C11orf65: variants seen among roughly 807,000 people sequenced by gnomAD.
C11orf65 encodes protein MFI.
C11orf65 carries 38 observed loss-of-function variants against 35.3 expected under a neutral mutation model. The observed-to-expected ratio is 1.08, with a 90% CI of 0.83 to 1.41. C11orf65 has a LOEUF of 1.41. C11orf65 is among the 40% of genes most tolerant of loss of function. C11orf65 has a pLI of 0.00. For synonymous variants in C11orf65, 105 were observed against 114.4 expected (o/e 0.92, Z 0.53); for missense variants, 370 against 367.1 (o/e 1.01, Z -0.06).
At chr11:108,383,870 C>CTT (rs10563376) in intron 8 of C11orf65, among the ~76,000 whole-genome samples, 4 of 117,864 alleles carry the variant, frequency 3.4e-5, no homozygotes, top group Middle Eastern at 3.8e-3. Context: ...ATATTGTTTC[C>CTT]TTTTTTTTTT....
rs551916592 is a variant in C11orf65 at position 108,309,858 on chromosome 11, A to G, written c.641-787T>C. On this transcript the variant is annotated intron_variant, in intron 6 of 6. Transcript: ENST00000525729. ...GTATCCTATTCTTAGTCTGTGGTACATGGATTTCTTGGTAGAGAGCAGATA... is the reference window on the plus strand; with the variant it reads ...GTATCCTATTCTTAGTCTGTGGTACGTGGATTTCTTGGTAGAGAGCAGATA... 3.5e-4 allele frequency among the ~76,000 whole-genome samples: 53 copies of G among 152,248 alleles called. 1 individual carries two copies. Among genetic ancestry groups the G allele is most frequent in the Admixed American group, 2.9e-3 (45 of 15,294 alleles).
At chr11:108,441,240 G>A (rs1046226775) in intron 2 of C11orf65, among the ~76,000 whole-genome samples, 4 of 152,338 alleles carry the variant, frequency 2.6e-5, no homozygotes, top group Admixed American at 6.5e-5. Context: ...AGCAGTCTGA[G>A]ATTGAACTGC....
intron 2 of C11orf65, among the ~76,000 whole-genome samples, chr11:108,374,772 C>T (rs952631736): frequency 1.3e-5 from 2 of 152,018 alleles, no homozygotes; most frequent in Non-Finnish European, 2.9e-5. Context: ...CTAGAATAAC[C>T]AATACAGAGA....
chr11:108,463,176 C>T (rs1318722639), intron 1 of C11orf65, among the ~76,000 whole-genome samples: 5 of 152,088 alleles, frequency 3.3e-5, no homozygotes, highest in African/African-American at 7.2e-5. Context: ...AAATGCAAAA[C>T]GTGTAAGGAT....
At chr11:108,327,101 T>C (rs1383708495), downstream of C11orf65, among the ~76,000 whole-genome samples, 1 of 152,222 alleles carries the variant, frequency 6.6e-6, no homozygotes, top group East Asian at 1.9e-4. Context: ...GTGCTGGGAT[T>C]ACAGGCGTGA....
At chr11:108,438,174 T>C (rs1393201970) in intron 2 of C11orf65, among the ~76,000 whole-genome samples, 1 of 152,202 alleles carries the variant, frequency 6.6e-6, no homozygotes, top group Non-Finnish European at 1.5e-5. Flanking sequence ...TCAACAAATG[T>C]ATCCGTGACA....
chr11:108,424,652 C>T (rs537388959), intron 3 of C11orf65, among the ~76,000 whole-genome samples: 3 of 152,226 alleles, frequency 2.0e-5, no homozygotes, highest in African/African-American at 7.2e-5. Flanking sequence ...CAGCTCTAGA[C>T]CAAGCAGACC....
intron 2 of C11orf65, among the ~76,000 whole-genome samples, chr11:108,345,538 T>A (rs1330793800): frequency 6.6e-6 from 1 of 152,148 alleles, no homozygotes; most frequent in Non-Finnish European, 1.5e-5. Flanking sequence ...GTGTGCTTCC[T>A]CCCCCAACAA....
At chr11:108,438,157 A>C (rs922064341) in intron 2 of C11orf65, among the ~76,000 whole-genome samples, 1 of 152,246 alleles carries the variant, frequency 6.6e-6, no homozygotes, top group African/African-American at 2.4e-5. Context: ...TGAAGAGGAC[A>C]GTATTTTCAA....
intron 6 of C11orf65, among the ~76,000 whole-genome samples, chr11:108,400,506 A>G (rs909960158): frequency 6.6e-6 from 1 of 152,188 alleles, no homozygotes; most frequent in African/African-American, 2.4e-5. Context: ...TTCGGGAACA[A>G]CATGTAAAAA....
At chr11:108,467,246 GCT>G (rs1408990292) in intron 1 of C11orf65, among the ~76,000 whole-genome samples, 1 of 152,148 alleles carries the variant, frequency 6.6e-6, no homozygotes, top group African/African-American at 2.4e-5. Context: ...GAGGAAAGGA[GCT>G]CTGAGGAAGG....
At chr11:108,399,856 G>C (rs1460663817) in intron 6 of C11orf65, among the ~76,000 whole-genome samples, 1 of 152,178 alleles carries the variant, frequency 6.6e-6, no homozygotes. Context: ...AGGACCAATT[G>C]CAAATCTGGA....
At chr11:108,445,799 A>C (rs1263322451) in intron 2 of C11orf65, among the ~76,000 whole-genome samples, 1 of 151,476 alleles carries the variant, frequency 6.6e-6, no homozygotes, top group Non-Finnish European at 1.5e-5. Context: ...TGAGAGAAGA[A>C]GGCTTCAGAC....
At chr11:108,468,776 C>T (rs1446380666), upstream of C11orf65, among the ~76,000 whole-genome samples, 1 of 152,082 alleles carries the variant, frequency 6.6e-6, no homozygotes, top group Non-Finnish European at 1.5e-5. Context: ...TTATGTATAT[C>T]TTAATTTTCA....
At chr11:108,394,710 G>C (rs982967742) in intron 6 of C11orf65, among the ~76,000 whole-genome samples, 3 of 107,308 alleles carry the variant, frequency 2.8e-5, no homozygotes, top group Non-Finnish European at 6.5e-5. Context: ...CATTGATTAG[G>C]AAACAGCATA....
intron 2 of C11orf65, among the ~76,000 whole-genome samples, chr11:108,446,133 G>A (rs542693360): frequency 6.6e-6 from 1 of 152,252 alleles, no homozygotes; most frequent in South Asian, 2.1e-4. Context: ...GGGACTACGT[G>A]AAAAGACCAA....
chr11:108,363,074 A>C (rs1275232527), intron 2 of C11orf65, among the ~76,000 whole-genome samples: 1 of 152,188 alleles, frequency 6.6e-6, no homozygotes, highest in African/African-American at 2.4e-5. Context: ...GAATTTCCCC[A>C]AATCATTTGG....
In C11orf65 at chr11:108,425,051, C is replaced by T. The variant is rs551725245; in HGVS notation, c.174+6695G>A. ...AGCACTAAATGGCCATAGGAGAAAG[C>T]GGGAAAGATCTAAAATTGACACCCT... On this transcript the variant is annotated intron_variant, in intron 3 of 8. Coordinates refer to ENST00000393084, the MANE Select transcript of C11orf65 (RefSeq NM_152587.5). Among the ~76,000 whole-genome samples the T allele has an allele frequency of 1.5e-3, 231 of 152,168 alleles. 2 individuals are homozygous for T. The highest frequency in any genetic ancestry group is 5.4e-3 in the African/African-American group (224 of 41,536).
intron 6 of C11orf65, chr11:108,325,249 GTTTTTTTT>G: frequency 1.8e-6 from 1 of 565,840 alleles, no homozygotes; most frequent in Non-Finnish European, 3.0e-6. Context: ...AACTTACATA[GTTTTTTTT>G]TTTTTTTTTT....
Sources: allele counts gnomAD v4.1 joint callset (sites outside exome capture counted in the v4.1 genomes callset), GRCh38; gene constraint gnomAD v4.1.1; transcripts MANE v1.5; gene names NCBI Gene and HGNC (gene_info 2026-07-23, HGNC 2026-07-21).